The following FLG2 variants were observed in gnomAD, a reference collection of about 807,000 sequenced individuals.
FLG2 encodes the protein filaggrin-2.
FLG2 carries 7 observed loss-of-function variants against 3.9 expected under a neutral mutation model. That is an observed-to-expected ratio of 1.79 (90% CI 1.02 to 3.36). The LOEUF (loss-of-function observed/expected upper bound fraction) is 3.36. Among genes scored for constraint, FLG2 ranks in the 30% most tolerant of loss-of-function variants. The pLI is 0.00. For synonymous variants in FLG2, 1,031 were observed against 1,056.1 expected (o/e 0.98, Z 0.46); for missense variants, 2,700 against 2,809.4 (o/e 0.96, Z 0.88).
chr1:152,350,330 CAT>C lies in FLG2; in HGVS notation c.*278_*279del. ...TGGCCATGAACTGATATGGATTGTC[CAT>C]GGCCAAATCCAAGGTGGTCATTTGA... is the stretch of plus-strand genomic sequence containing the variant. On this transcript the variant is annotated 3_prime_UTR_variant, in exon 3 of 3. Transcript: ENST00000388718. The C allele has an allele frequency of 2.2e-6, 1 of 463,386 alleles. No individual in the cohort carries two copies. Among genetic ancestry groups the C allele is most frequent in the Non-Finnish European group, 3.9e-6 (1 of 258,658 alleles). The allele number at this position is 463,386 out of a possible 1,614,324, so 28.7% of individuals were successfully genotyped here. A position where few individuals can be genotyped will look rare whatever the true frequency, so the allele number is the denominator to read the frequency against.
rs1654279717 is a variant in FLG2 at position 152,357,288 on chromosome 1, A to G, written c.498T>C (p.Gly166=). ...CTTGGTTCCCAGAGCTGGATAAATTACCTTGTCTTCCTAGCCTCCTGGAGT... is the reference window on the plus strand; with the variant it reads ...CTTGGTTCCCAGAGCTGGATAAATTGCCTTGTCTTCCTAGCCTCCTGGAGT... ...GSNSRRLGRQ[G]NLSSSGNQEG... Residue 166 remains glycine, a synonymous_variant, in exon 3 of 3, where the codon GGT becomes GGC. Transcript: ENST00000388718. The G allele has an allele frequency of 6.2e-7, 1 of 1,614,174 alleles. No individual in the cohort carries two copies. Among genetic ancestry groups the G allele is most frequent in the Non-Finnish European group, 8.5e-7 (1 of 1,180,030 alleles).
rs560613131 is a variant in FLG2, at chr1:152,352,547, G to T, written c.5239C>A (p.His1747Asn). 4 of 1,613,498 alleles carry T rather than the reference G, an allele frequency of 2.5e-6. No individual in the cohort carries two copies. The highest frequency in any genetic ancestry group is 3.3e-5 in the Admixed American group (2 of 59,954). The change falls in exon 3 of 3, where the codon CAC becomes AAC. Residue 1747 changes from histidine (H) to asparagine (N), a missense_variant. Coordinates refer to ENST00000388718, the MANE Select transcript of FLG2 (RefSeq NM_001014342.3). ...YSGVSHTHSG[H>N]THGQARSQHG... ...TGAGATCTGGCTTGGCCATGAGTGTGTCCTGAATGTGTATGTGAGACTCCT... is the reference window on the plus strand; with the variant it reads ...TGAGATCTGGCTTGGCCATGAGTGTTTCCTGAATGTGTATGTGAGACTCCT...
In FLG2 at chr1:152,354,876, C is replaced by G. The variant is rs1557898109; in HGVS notation, c.2910G>C (p.Gln970His). The G allele has an allele frequency of 6.2e-7, 1 of 1,613,530 alleles. No individual in the cohort carries two copies. Among genetic ancestry groups the G allele is most frequent in the Non-Finnish European group, 8.5e-7 (1 of 1,179,924 alleles). Residue 970 changes from glutamine to histidine, a missense_variant, in exon 3 of 3, where the codon CAG becomes CAC. By Grantham distance (24) the Gln-to-His change is conservative. Coordinates refer to ENST00000388718, the MANE Select transcript of FLG2 (RefSeq NM_001014342.3). ...ACTCATGTTGTCCAAAGCCAGAGGA[C>G]TGACCTGAGCCTGATCCATGTTGGC... The part of the protein sequence containing the change: ...GFGQHGSGSG[Q>H]SSGFGQHESG...
At position 152,356,167 on chromosome 1, in the gene FLG2, T is replaced by A. The variant is rs143787088; in HGVS notation, c.1619A>T (p.Gln540Leu). ...GFGQHESRSR[Q>L]SSYGQHGSGS... is the part of the protein sequence containing the mutation. ...AGAACCATGTTGGCCATAGCTAGACTGACGTGATCTAGACTCATGTTGTCC... is the reference window on the plus strand; with the variant it reads ...AGAACCATGTTGGCCATAGCTAGACAGACGTGATCTAGACTCATGTTGTCC... The change falls in exon 3 of 3, where the codon CAG (glutamine) becomes CTG (leucine). Residue 540 changes from glutamine to leucine, a missense_variant. By Grantham distance (113) the Gln-to-Leu change is moderately radical (BLOSUM62 -2). Transcript: ENST00000388718. 3.0e-5 allele frequency: 49 copies of A among 1,614,052 alleles called. 1 individual carries two copies. The highest frequency in any genetic ancestry group is 1.7e-4 in the Middle Eastern group (1 of 6,060).
chr1:152,350,806 T>C lies in FLG2; in HGVS notation c.6980A>G (p.His2327Arg), dbSNP rs757195711. The change falls in exon 3 of 3, where the codon CAT becomes CGT. Residue 2327 changes from histidine to arginine, a missense_variant. His to Arg is a conservative substitution (Grantham distance 29). Transcript: ENST00000388718. ...CCTTTCACTACTATGTGACTGAAAA[T>C]GACTTGCTCTACTAGATCTGGAACC... ...QTGSRSSRAS[H>R]FQSHSSERQR... 8 of 1,614,070 alleles carry C rather than the reference T, an allele frequency of 5.0e-6. No homozygotes were observed. Among genetic ancestry groups the C allele is most frequent in the Non-Finnish European group, 6.8e-6 (8 of 1,180,046 alleles).
rs770600882 is a variant in FLG2 at position 152,351,568 on chromosome 1, T to A, written c.6218A>T (p.His2073Leu). 1.9e-6 allele frequency: 3 copies of A among 1,612,622 alleles called. No individual in the cohort carries two copies. Among genetic ancestry groups the A allele is most frequent in the Non-Finnish European group, 8.5e-7 (1 of 1,179,770 alleles). ...TCTAGTGGTATCTCCTGTCTGTCCA[T>A]GAGTAGTTCCGTGTCTCTCATGAAC... The part of the protein sequence containing the change: ...SSVHERHGTT[H>L]GQTGDTTRHA... The change falls in exon 3 of 3, where the codon CAT becomes CTT. Residue 2073 changes from histidine to leucine, a missense_variant. By Grantham distance (99) the His-to-Leu change is moderately conservative. Transcript: ENST00000388718.
rs1191650109 is a variant in FLG2, at chr1:152,350,130, A to G, written c.*480T>C. The G allele has an allele frequency of 1.2e-5, 2 of 169,306 alleles. No homozygotes were observed. Among genetic ancestry groups the G allele is most frequent in the Non-Finnish European group, 1.3e-5 (1 of 77,262 alleles). The allele number at this position is 169,306 out of a possible 1,614,324, so 10.5% of individuals were successfully genotyped here. ...AACCTGTGCTGGATCTTACCTGCCC[A>G]TGAAAAGTTGTATCTCCGAAATGTT... On this transcript the variant is annotated 3_prime_UTR_variant, in exon 3 of 3. Coordinates refer to ENST00000388718, the MANE Select transcript of FLG2 (RefSeq NM_001014342.3).
Position 152,350,703 on chromosome 1 carries a change from A to T in FLG2, c.7083T>A (p.Tyr2361Ter), listed in dbSNP as rs773834787. The change falls in exon 3 of 3, where the codon TAT becomes TAA. Residue 2361 changes from tyrosine (Y) to a stop codon, truncating the protein, a stop_gained. Coordinates refer to ENST00000388718, the MANE Select transcript of FLG2 (RefSeq NM_001014342.3). LOFTEE classifies it low-confidence loss of function (END_TRUNC). The stretch of plus-strand genomic sequence containing the variant: ...TTTTTCTGCTGCCACCAGAAGGCCC[A>T]TACCCAGTGTGCCCATAGTCATATT... ...PAEYDYGHTGYGPSGGSRKSI... is the reference protein window; with the variant it reads ...PAEYDYGHTG The T allele has an allele frequency of 6.2e-7, 1 of 1,614,222 alleles. No individual in the cohort carries two copies.
Position 152,356,388 on chromosome 1 carries a change from A to G in FLG2, c.1398T>C (p.Tyr466=). The G allele has an allele frequency of 6.2e-7, 1 of 1,614,218 alleles. No homozygotes were observed. The change falls in exon 3 of 3, where the codon TAT becomes TAC. Residue 466 remains tyrosine, a synonymous_variant. Transcript: ENST00000388718. ...HESTSSQSLG[Y]DQHGSSSGKT... ...TACCTGAGCTAGACCCATGCTGGTC[A>G]TAGCCCAAGGATTGACTTGATGTAG...
At position 152,349,642 on chromosome 1, in the gene FLG2, T is replaced by C. The variant is rs1464599697; in HGVS notation, c.*968A>G. 6.5e-6 allele frequency: 1 copy of C among 152,678 alleles called. No homozygotes were observed. Among genetic ancestry groups the C allele is most frequent in the East Asian group, 1.9e-4 (1 of 5,194 alleles). 9.5% of individuals were successfully genotyped at this position (152,678 alleles called of 1,614,324 possible). A position where few individuals can be genotyped will look rare whatever the true frequency, so the allele number is the denominator to read the frequency against. On this transcript the variant is annotated 3_prime_UTR_variant, in exon 3 of 3. Transcript: ENST00000388718. ...CTCATTTCTTCTCTGGGTTAGTTCT[T>C]ATCTTGGGCTAGTTTATGTTGGCTT...
rs1654165004 is a variant in FLG2 at position 152,355,265 on chromosome 1, G to A, written c.2521C>T (p.His841Tyr). The part of the protein sequence containing the change: ...SGFGQHESRS[H>Y]QSSYGQHGSG... ...CCATGTTGGCCATAGCTGGACTGAT[G>A]TGATCTAGACTCATGCTGTCCAAAG... The change falls in exon 3 of 3, where the codon CAT (histidine) becomes TAT (tyrosine). Residue 841 changes from histidine (H) to tyrosine (Y), a missense_variant. His to Tyr is a moderately conservative substitution (Grantham distance 83). Coordinates refer to ENST00000388718, the MANE Select transcript of FLG2 (RefSeq NM_001014342.3). 1 of 1,609,076 alleles carries A rather than the reference G, an allele frequency of 6.2e-7. No homozygotes were observed. Among genetic ancestry groups the A allele is most frequent in the Non-Finnish European group, 8.5e-7 (1 of 1,178,584 alleles).
At position 152,357,623 on chromosome 1, in the gene FLG2, C is replaced by A. The variant is rs1654298184; in HGVS notation, c.163G>T (p.Asp55Tyr). 3 of 1,613,114 alleles carry A rather than the reference C, an allele frequency of 1.9e-6. No homozygotes were observed. In the African/African-American group the frequency reaches 4.0e-5, roughly 22 times the overall value. Residue 55 changes from aspartate (D) to tyrosine (Y), a missense_variant, in exon 3 of 3, where the codon GAT (aspartate) becomes TAT (tyrosine). Asp to Tyr is a radical substitution (Grantham distance 160). Coordinates refer to ENST00000388718, the MANE Select transcript of FLG2 (RefSeq NM_001014342.3). ...LKNPDDPDTV[D>Y]VIMHMLDRDH... ...CGATCCAGCATATGCATGATGACAT[C>A]CACTGTGTCTGGATCATCTGGGTTC...
In FLG2 at chr1:152,356,016, G is replaced by T. The variant is rs1438077269; in HGVS notation, c.1770C>A (p.Ser590=). 6.2e-7 allele frequency: 1 copy of T among 1,613,136 alleles called. No individual in the cohort carries two copies. Among genetic ancestry groups the T allele is most frequent in the African/African-American group, 1.3e-5 (1 of 74,630 alleles). ...CAGACCCATGTTGTCCAAAGCCAGA[G>T]GACTGACCTGAGCCCGATCCATATT... is the stretch of plus-strand genomic sequence containing the variant. ...FGQYGSGSGQ[S]SGFGQHGSGS... Residue 590 remains serine (S), a synonymous_variant, in exon 3 of 3, where the codon TCC becomes TCA. Transcript: ENST00000388718.
In FLG2 at chr1:152,353,175, A is replaced by G; in HGVS notation, c.4611T>C (p.His1537=). Residue 1537 remains histidine (H), a synonymous_variant, in exon 3 of 3, where the codon CAT becomes CAC. Transcript: ENST00000388718. The part of the protein sequence containing the change: ...SQHGESESII[H]DRHRITHGQT... The stretch of plus-strand genomic sequence containing the variant: ...GTCCATGAGTAATTCTGTGTCTGTC[A>G]TGAATTATGGATTCTGACTCTCCAT... The G allele has an allele frequency of 6.2e-7, 1 of 1,612,410 alleles. No homozygotes were observed.
rs761773696 is a variant in FLG2, at chr1:152,356,019, C to T, written c.1767G>A (p.Gln589=). The T allele has an allele frequency of 3.1e-6, 5 of 1,613,420 alleles. No individual in the cohort carries two copies. The highest frequency in any genetic ancestry group is 4.2e-6 in the Non-Finnish European group (5 of 1,179,846). ...ACCCATGTTGTCCAAAGCCAGAGGA[C>T]TGACCTGAGCCCGATCCATATTGGC... ...GFGQYGSGSG[Q]SSGFGQHGSG... The change falls in exon 3 of 3, where the codon CAG becomes CAA. Residue 589 remains glutamine (Q), a synonymous_variant. Coordinates refer to ENST00000388718, the MANE Select transcript of FLG2 (RefSeq NM_001014342.3).
At position 152,355,335 on chromosome 1, in the gene FLG2, G is replaced by A. The variant is rs201122691; in HGVS notation, c.2451C>T (p.Ser817=). 1.1e-4 allele frequency: 175 copies of A among 1,613,672 alleles called. No individual in the cohort carries two copies. The highest frequency in any genetic ancestry group is 1.3e-4 in the Non-Finnish European group (152 of 1,179,888). ...FGQYGSGSGQ[S]AGFGQHGSGS... is the part of the protein sequence containing the mutation. ...CAGACCCATGTTGTCCAAAGCCAGC[G>A]GACTGACCTGAGCCTGATCCATATT... Residue 817 remains serine (S), a synonymous_variant, in exon 3 of 3, where the codon TCC becomes TCT. Coordinates refer to ENST00000388718, the MANE Select transcript of FLG2 (RefSeq NM_001014342.3).
At position 152,356,541 on chromosome 1, in the gene FLG2, T is replaced by C. The variant is rs1406184783; in HGVS notation, c.1245A>G (p.Lys415=). The part of the protein sequence containing the change: ...SNSSSSNEFS[K]CDQYGSGSSQ... ...TTGAACCAGACCCATATTGATCACA[T>C]TTGGAAAATTCATTTGAACTAGAAG... is the stretch of plus-strand genomic sequence containing the variant. The change falls in exon 3 of 3, where the codon AAA becomes AAG. Residue 415 remains lysine (K), a synonymous_variant. Coordinates refer to ENST00000388718, the MANE Select transcript of FLG2 (RefSeq NM_001014342.3). 3.7e-6 allele frequency: 6 copies of C among 1,614,090 alleles called. No individual in the cohort carries two copies. In the East Asian group the frequency reaches 6.7e-5, roughly 18 times the overall value.
Position 152,351,541 on chromosome 1 carries a change from T to A in FLG2, c.6245A>T (p.His2082Leu), listed in dbSNP as rs951090916. 1.2e-5 allele frequency: 20 copies of A among 1,612,386 alleles called. No homozygotes were observed. Among genetic ancestry groups the A allele is most frequent in the Non-Finnish European group, 1.4e-5 (17 of 1,179,682 alleles). ...GGACTGTCCATGACCAGAGTGAGCATGTCTAGTGGTATCTCCTGTCTGTCC... is the reference window on the plus strand; with the variant it reads ...GGACTGTCCATGACCAGAGTGAGCAAGTCTAGTGGTATCTCCTGTCTGTCC... ...THGQTGDTTRHAHSGHGQSTQ... is the reference protein window; with the variant it reads ...THGQTGDTTRLAHSGHGQSTQ... The change falls in exon 3 of 3, where the codon CAT becomes CTT. Residue 2082 changes from histidine (H) to leucine (L), a missense_variant. By Grantham distance (99) the His-to-Leu change is moderately conservative. Transcript: ENST00000388718.
rs759660693 is a variant in FLG2, at chr1:152,354,247, C to T, written c.3539G>A (p.Gly1180Glu). 2.5e-6 allele frequency: 4 copies of T among 1,613,818 alleles called. No individual in the cohort carries two copies. Among genetic ancestry groups the T allele is most frequent in the Admixed American group, 3.3e-5 (2 of 60,004 alleles). ...ATTGTCTGAGCCAGACACATGCTGT[C>T]CAAAACTTGTGGTTGGACCTGAGCC... is the stretch of plus-strand genomic sequence containing the variant. ...ESGSGPTTSF[G>E]QHVSGSDNFS... The change falls in exon 3 of 3, where the codon GGA (glycine) becomes GAA (glutamate). Residue 1180 changes from glycine (G) to glutamate (E), a missense_variant. Physicochemically the swap from Gly to Glu is moderately conservative, Grantham distance 98 (BLOSUM62 -2). Coordinates refer to ENST00000388718, the MANE Select transcript of FLG2 (RefSeq NM_001014342.3).
Sources: gnomAD v4.1 joint callset for allele counts on GRCh38, gnomAD v4.1.1 for gene constraint, MANE v1.5 for transcripts, NCBI Gene and HGNC (gene_info 2026-07-23, HGNC 2026-07-21) for gene names.